The following URI1 variants were observed in gnomAD, a reference collection of about 807,000 sequenced individuals.
The protein encoded by URI1 is unconventional prefoldin RPB5 interactor 1.
In URI1, 39 loss-of-function variants were observed where a neutral mutation model predicts 60.2. The ratio of observed to expected loss-of-function variants is 0.65; its 90% CI spans 0.50 to 0.85. The LOEUF is 0.85. Among genes scored for constraint, URI1 ranks in the 40% least tolerant of loss-of-function variants. The pLI is 0.00. For missense variants in URI1, 691 were observed against 665.9 expected, an observed-to-expected ratio of 1.04 and a Z score of -0.42; for synonymous variants, 251 against 236.8, an observed-to-expected ratio of 1.06 and a Z score of -0.55.
chr19:29,968,252 A>G (rs1321069982), intron 1 of URI1, among the ~76,000 whole-genome samples: 1 of 152,118 alleles, frequency 6.6e-6, no homozygotes, highest in Non-Finnish European at 1.5e-5. Context: ...CTTTAGGGGC[A>G]CTATTTGCAT....
chr19:30,003,701 A>C (rs181937961), intron 4 of URI1, among the ~76,000 whole-genome samples: 1 of 152,164 alleles, frequency 6.6e-6, no homozygotes, highest in East Asian at 1.9e-4. Context: ...AATTCTTTAC[A>C]CATTGACAAC....
At chr19:29,989,208 T>G (rs913600033) in intron 4 of URI1, among the ~76,000 whole-genome samples, 1 of 151,466 alleles carries the variant, frequency 6.6e-6, no homozygotes, top group Non-Finnish European at 1.5e-5. Context: ...CCTCCGAGGT[T>G]CGAGCAATTC....
At chr19:29,941,142 G>A (rs1175642239), upstream of URI1, among the ~76,000 whole-genome samples, 1 of 152,220 alleles carries the variant, frequency 6.6e-6, no homozygotes, top group Non-Finnish European at 1.5e-5. Flanking sequence ...AGGCACACCA[G>A]GCTGTGACTC....
chr19:29,942,410 CGGCGGG>C lies in URI1; in HGVS notation c.-137_-132del. On this transcript the variant is annotated 5_prime_UTR_variant, in exon 1 of 11. Transcript: ENST00000392271. ...GCGCGGACGCGAACAGCAGCGGCGGCGGCGGGCGCGGCCTCCTGGGCGCGGGGCGCG... is the reference window on the plus strand; with the variant it reads ...GCGCGGACGCGAACAGCAGCGGCGGCCGCGGCCTCCTGGGCGCGGGGCGCG... 1.0e-6 allele frequency: 1 copy of C among 982,490 alleles called. No homozygotes were observed. Among genetic ancestry groups the C allele is most frequent in the Non-Finnish European group, 1.2e-6 (1 of 828,710 alleles). The allele number at this position is 982,490 out of a possible 1,614,324, so 60.9% of individuals were successfully genotyped here.
upstream of URI1, among the ~76,000 whole-genome samples, chr19:29,941,466 G>T (rs2055023045): frequency 6.6e-6 from 1 of 151,908 alleles, no homozygotes; most frequent in African/African-American, 2.4e-5. Context: ...ACAAAAAATA[G>T]AAAAATTAAC....
chr19:29,984,645 C>T (rs1469073743), intron 2 of URI1, among the ~76,000 whole-genome samples: 3 of 152,052 alleles, frequency 2.0e-5, no homozygotes, highest in Non-Finnish European at 4.4e-5. Context: ...TAGAATAATG[C>T]CATTGCTAAA....
intron 1 of URI1, among the ~76,000 whole-genome samples, chr19:29,929,737 T>A (rs756063401): frequency 6.6e-6 from 1 of 152,230 alleles, no homozygotes; most frequent in African/African-American, 2.4e-5. Context: ...CTATTGGCCA[T>A]TTGTATATCT....
intron 10 of URI1, among the ~76,000 whole-genome samples, 169 bp from the exon 11 acceptor site, chr19:30,014,718 A>C (rs1415184846): frequency 6.6e-6 from 1 of 152,138 alleles, no homozygotes; most frequent in Non-Finnish European, 1.5e-5. Context: ...ATTAAAACTT[A>C]ATGGTGTTGG....
chr19:29,983,350 A>G, intron 2 of URI1: 1 of 152,158 alleles, frequency 6.6e-6, no homozygotes, highest in Non-Finnish European at 1.5e-5. Context: ...GACATTTATT[A>G]TAGGTTATGT....
intron 1 of URI1, among the ~76,000 whole-genome samples, chr19:29,961,711 G>T: frequency 7.1e-6 from 1 of 140,182 alleles, no homozygotes. Flanking sequence ...TTGAGATGGA[G>T]TTTCACTCTT....
In URI1 at chr19:29,948,952, C is replaced by T. The variant is rs367560024; in HGVS notation, c.117+6288C>T. On this transcript the variant is annotated intron_variant, in intron 1 of 10. Coordinates refer to ENST00000392271, the MANE Select transcript of URI1 (RefSeq NM_003796.3). ...ACCCCCCACCTCCCAGACGGGACCGCGGCCGGGCGGAGGCGCCCCCCACCT... is the reference window on the plus strand; with the variant it reads ...ACCCCCCACCTCCCAGACGGGACCGTGGCCGGGCGGAGGCGCCCCCCACCT... Among the ~76,000 whole-genome samples the T allele has an allele frequency of 3.5e-4, 52 of 149,386 alleles. 1 individual carries two copies. In the East Asian group the frequency reaches 5.2e-3, roughly 15 times the overall value.
At chr19:29,991,011 T>C (rs1373820431) in intron 4 of URI1, among the ~76,000 whole-genome samples, 1 of 152,196 alleles carries the variant, frequency 6.6e-6, no homozygotes, top group Non-Finnish European at 1.5e-5. Context: ...AGCATTATAG[T>C]GTTCCTTACA....
chr19:29,950,795 A>G (rs1476136880), intron 1 of URI1, among the ~76,000 whole-genome samples: 1 of 152,226 alleles, frequency 6.6e-6, no homozygotes, highest in Non-Finnish European at 1.5e-5. Context: ...AGAGATTACT[A>G]TGGCATTTGA....
At chr19:29,997,563 T>C (rs925600701) in intron 4 of URI1, among the ~76,000 whole-genome samples, 7 of 152,302 alleles carry the variant, frequency 4.6e-5, no homozygotes, top group Non-Finnish European at 7.4e-5. Flanking sequence ...ATCTTTGTTA[T>C]TCCTTTCTTC....
intron 1 of URI1, among the ~76,000 whole-genome samples, chr19:29,968,573 T>TC (rs903220142): frequency 1.1e-4 from 14 of 131,610 alleles, no homozygotes; most frequent in African/African-American, 4.0e-4. Flanking sequence ...TTCTTTTTTT[T>TC]TTTTTTTTTT....
At chr19:29,973,621 A>T (rs1310577251) in intron 2 of URI1, among the ~76,000 whole-genome samples, 1 of 150,994 alleles carries the variant, frequency 6.6e-6, no homozygotes, top group Non-Finnish European at 1.5e-5. Flanking sequence ...GTTTTTGTTT[A>T]AAAAAAAATG....
chr19:29,997,980 G>C (rs2055833667), intron 4 of URI1, among the ~76,000 whole-genome samples: 1 of 152,124 alleles, frequency 6.6e-6, no homozygotes, highest in Non-Finnish European at 1.5e-5. Flanking sequence ...GTCCAGGCTA[G>C]TCTTGAATTC....
At chr19:29,981,346 T>C (rs998016534) in intron 2 of URI1, among the ~76,000 whole-genome samples, 2 of 152,212 alleles carry the variant, frequency 1.3e-5, no homozygotes, top group African/African-American at 4.8e-5. Flanking sequence ...ATATCCCTCA[T>C]TTAACTTGAT....
chr19:29,996,499 G>GTGTA (rs2055814593), intron 4 of URI1, among the ~76,000 whole-genome samples: 1 of 151,930 alleles, frequency 6.6e-6, no homozygotes, highest in South Asian at 2.1e-4. Flanking sequence ...GTGTGTGTGT[G>GTGTA]TATTCTTTAG....
Sources: allele counts gnomAD v4.1 joint callset (sites outside exome capture counted in the v4.1 genomes callset), GRCh38; gene constraint gnomAD v4.1.1; transcripts MANE v1.5; gene names NCBI Gene and HGNC (gene_info 2026-07-23, HGNC 2026-07-21).